Variants in REV3L observed in about 807,000 individuals in gnomAD.
The protein encoded by REV3L is DNA polymerase zeta catalytic subunit.
In REV3L, 69 loss-of-function variants were observed where a neutral mutation model predicts 299.4. The observed-to-expected ratio is 0.23, with a 90% CI of 0.19 to 0.28. The LOEUF (loss-of-function observed/expected upper bound fraction) is 0.28. REV3L is among the 10% of genes least tolerant of loss of function. The probability of loss-of-function intolerance (pLI) is 1.00; values close to 1 mark genes in which losing one functional copy is unlikely to be tolerated. For synonymous variants in REV3L, 1,238 were observed against 1,271.4 expected (o/e 0.97, Z 0.56); for missense variants, 3,128 against 3,693.8 (o/e 0.85, Z 3.97).
chr6:111,367,464 ATCT>A lies in REV3L; in HGVS notation c.6321_6323del (p.Glu2107del). The A allele has an allele frequency of 1.2e-6, 2 of 1,608,954 alleles. No homozygotes were observed. The highest frequency in any genetic ancestry group is 1.7e-6 in the Non-Finnish European group (2 of 1,176,902). ...AACTAATGTAATAGTTATCATCATCATCTTCATCTTTTTCGGGATCACTTGCAG... is the reference window on the plus strand; with the variant it reads ...AACTAATGTAATAGTTATCATCATCATCATCTTTTTCGGGATCACTTGCAG... On this transcript the variant is annotated inframe_deletion, in exon 14 of 32. Transcript: ENST00000368802.
intron 1 of REV3L, among the ~76,000 whole-genome samples, chr6:111,476,919 A>AT (rs1247788311): frequency 6.6e-6 from 1 of 152,130 alleles, no homozygotes; most frequent in Non-Finnish European, 1.5e-5. Flanking sequence ...TTTTTCCTTA[A>AT]TTTTGTACAT....
At position 111,356,968 on chromosome 6, in the gene REV3L, C is replaced by T. The variant is rs3218607; in HGVS notation, c.7184+46G>A. On this transcript the variant is annotated intron_variant, in intron 18 of 31. Transcript: ENST00000368802. ...CACTATTATCTGCAATAGCATGAAACGACTCTCTGAATAAAACTGGAAAAA... is the reference window on the plus strand; with the variant it reads ...CACTATTATCTGCAATAGCATGAAATGACTCTCTGAATAAAACTGGAAAAA... 357 of 1,035,136 alleles carry T rather than the reference C, an allele frequency of 3.4e-4. 1 individual carries two copies. The African/African-American group carries it at 4.7e-3, about 14-fold the overall frequency. 64.1% of individuals were successfully genotyped at this position (1,035,136 alleles called of 1,614,324 possible).
chr6:111,466,433 C>A (rs1488230224), intron 1 of REV3L, among the ~76,000 whole-genome samples: 1 of 152,094 alleles, frequency 6.6e-6, no homozygotes, highest in Non-Finnish European at 1.5e-5. Flanking sequence ...GTCACGTTTT[C>A]TCTAAGAAGT....
intron 25 of REV3L, among the ~76,000 whole-genome samples, chr6:111,324,834 A>G (rs908856846): frequency 3.3e-5 from 5 of 150,650 alleles, no homozygotes; most frequent in African/African-American, 1.2e-4. Flanking sequence ...ATGGTTTCAC[A>G]ATTTAGGCCA....
Position 111,374,483 on chromosome 6 carries a change from T to C in REV3L, c.3872A>G (p.Lys1291Arg). Residue 1291 changes from lysine (K) to arginine (R), a missense_variant, in exon 13 of 32, where the codon AAG becomes AGG. Lys to Arg is a conservative substitution (Grantham distance 26, BLOSUM62 2). Transcript: ENST00000368802. Reference sequence around the variant, plus strand: ...GAAAGAAGAAAAGCAGCCAGATAACTTCTGTTGTGCATTAATTCCAGTGGG... The same window carrying C: ...GAAAGAAGAAAAGCAGCCAGATAACCTCTGTTGTGCATTAATTCCAGTGGG... ...SLPTGINAQQ[K>R]LSGCFSSFLE... is the part of the protein sequence containing the mutation. 1 of 1,614,060 alleles carries C rather than the reference T, an allele frequency of 6.2e-7. No individual in the cohort carries two copies. Among genetic ancestry groups the C allele is most frequent in the Non-Finnish European group, 8.5e-7 (1 of 1,179,948 alleles).
At position 111,430,886 on chromosome 6, in the gene REV3L, C is replaced by T. The variant is rs893981891; in HGVS notation, c.140-14414G>A. ...CGGAACAACAATGTTGGGACTTCTCCATCCTGTGGATCTCATTGTAGGAGA... is the reference window on the plus strand; with the variant it reads ...CGGAACAACAATGTTGGGACTTCTCTATCCTGTGGATCTCATTGTAGGAGA... On this transcript the variant is annotated intron_variant, in intron 1 of 31. Transcript: ENST00000368802. The T allele has an allele frequency of 8.7e-6, 14 of 1,603,974 alleles. No homozygotes were observed. In the African/African-American group the frequency reaches 1.6e-4, roughly 18 times the overall value.
rs1772456859 is a variant in REV3L, at chr6:111,307,552, A to T, written c.9061T>A (p.Ser3021Thr). Reference protein sequence around the residue: ...ELPRIHKATSSSRSEPEGRKG... With the variant: ...ELPRIHKATSTSRSEPEGRKG... Reference sequence around the variant, plus strand: ...CGCCCTTCAGGTTCACTTCGCGAGGAGCTGGTAGCTTTATGGATCTATAAA... The same window carrying T: ...CGCCCTTCAGGTTCACTTCGCGAGGTGCTGGTAGCTTTATGGATCTATAAA... Residue 3021 changes from serine (S) to threonine (T), a missense_variant, in exon 31 of 32, where the codon TCC becomes ACC. Physicochemically the swap from Ser to Thr is moderately conservative, Grantham distance 58. Coordinates refer to ENST00000368802, the MANE Select transcript of REV3L (RefSeq NM_001372078.1). 3.1e-6 allele frequency: 5 copies of T among 1,614,084 alleles called. No homozygotes were observed. In the South Asian group the frequency reaches 5.5e-5, roughly 18 times the overall value.
intron 16 of REV3L, among the ~76,000 whole-genome samples, chr6:111,361,868 T>C (rs1319040508): frequency 1.3e-5 from 2 of 152,210 alleles, no homozygotes; most frequent in African/African-American, 2.4e-5. Flanking sequence ...GTTTGGAATG[T>C]GCCTTGAGAT....
At chr6:111,351,830 C>A in intron 18 of REV3L, 39 bp from the exon 19 acceptor site, 2 of 1,314,920 alleles carry the variant, frequency 1.5e-6, no homozygotes, top group Non-Finnish European at 2.2e-6. Flanking sequence ...AAGTACCATA[C>A]ATTTGAACCT....
At chr6:111,379,759 A>G (rs1398542887) in intron 11 of REV3L, among the ~76,000 whole-genome samples, 1 of 152,216 alleles carries the variant, frequency 6.6e-6, no homozygotes. Context: ...TAAATGGATA[A>G]CTTCTAAAAG....
rs1379930519 is a variant in REV3L at position 111,374,027 on chromosome 6, G to A, written c.4328C>T (p.Ser1443Phe). The change falls in exon 13 of 32, where the codon TCT becomes TTT. Residue 1443 changes from serine (S) to phenylalanine (F), a missense_variant. This residue lies in a region of REV3L where 2,409 missense variants were observed against 2,611.8 expected (regional missense o/e 0.92). Coordinates refer to ENST00000368802, the MANE Select transcript of REV3L (RefSeq NM_001372078.1). ...TTCCTCTGAAGCTGTATTTCCCGGA[G>A]AACAAGTTTCACTGTGCTTTGACTG... Reference protein sequence around the residue: ...AEQSKHSETCSPGNTASEESQ... With the variant: ...AEQSKHSETCFPGNTASEESQ... 6.2e-7 allele frequency: 1 copy of A among 1,614,102 alleles called. No homozygotes were observed. The highest frequency in any genetic ancestry group is 1.7e-5 in the Admixed American group (1 of 60,026).
At chr6:111,337,800 T>A (rs566186251) in intron 21 of REV3L, among the ~76,000 whole-genome samples, 1 of 152,190 alleles carries the variant, frequency 6.6e-6, no homozygotes, top group Non-Finnish European at 1.5e-5. Context: ...TCTGAAATAA[T>A]GCATTATGTA....
rs139720581 is a variant in REV3L, at chr6:111,332,363, G to A, written c.7926-579C>T. 5.4e-4 allele frequency among the ~76,000 whole-genome samples: 82 copies of A among 152,168 alleles called. No homozygotes were observed. The Middle Eastern group carries it at 0.014, about 25-fold the overall frequency. The stretch of plus-strand genomic sequence containing the variant: ...TGGGATTACAGGTGTGAGCCACCAC[G>A]TCCAGCCCAATCATCTTATACTAAA... On this transcript the variant is annotated intron_variant, in intron 23 of 31. Coordinates refer to ENST00000368802, the MANE Select transcript of REV3L (RefSeq NM_001372078.1).
chr6:111,417,683 T>C (rs550531976), intron 1 of REV3L, among the ~76,000 whole-genome samples: 3 of 152,274 alleles, frequency 2.0e-5, no homozygotes, highest in Non-Finnish European at 2.9e-5. Context: ...GTTGATATCT[T>C]AATGTTTACA....
chr6:111,301,165 C>G (rs1771477667), intron 31 of REV3L, among the ~76,000 whole-genome samples: 2 of 152,162 alleles, frequency 1.3e-5, no homozygotes, highest in South Asian at 2.1e-4. Context: ...CACCCCCAGG[C>G]TTGCTAGGAT....
At chr6:111,313,327 T>A (rs1169329678) in intron 28 of REV3L, 25 bp downstream of exon 28, 2 of 1,588,824 alleles carry the variant, frequency 1.3e-6, no homozygotes, top group South Asian at 1.2e-5. Context: ...TTCTTACAGA[T>A]GAAGACAAGA....
chr6:111,473,574 C>A (rs764468181), intron 1 of REV3L, among the ~76,000 whole-genome samples: 3 of 151,666 alleles, frequency 2.0e-5, no homozygotes, highest in Non-Finnish European at 4.4e-5. Context: ...CATCATAAAA[C>A]GAATCCTACT....
chr6:111,394,219 G>A (rs1201597145), intron 4 of REV3L, among the ~76,000 whole-genome samples: 2 of 152,160 alleles, frequency 1.3e-5, no homozygotes, highest in Non-Finnish European at 2.9e-5. Flanking sequence ...CCTCCATACT[G>A]TTTTGCATAA....
intron 31 of REV3L, among the ~76,000 whole-genome samples, chr6:111,303,720 T>A (rs1421233933): frequency 9.0e-5 from 8 of 88,658 alleles, no homozygotes; most frequent in Non-Finnish European, 2.0e-4. Context: ...TTTTTTTTTT[T>A]TTTTTTTTTT....
Sources: allele counts gnomAD v4.1 joint callset (sites outside exome capture counted in the v4.1 genomes callset), GRCh38; gene constraint gnomAD v4.1.1; regional missense constraint gnomAD v4.1.1; transcripts MANE v1.5; gene names NCBI Gene and HGNC (gene_info 2026-07-23, HGNC 2026-07-21).